FAM163B: variants seen among roughly 807,000 people sequenced by gnomAD.
FAM163B encodes protein FAM163B.
FAM163B carries 4 observed loss-of-function variants against 7.6 expected under a neutral mutation model. The ratio of observed to expected loss-of-function variants is 0.52; its 90% CI spans 0.26 to 1.20. The LOEUF (loss-of-function observed/expected upper bound fraction) is 1.20. Among genes scored for constraint, FAM163B ranks in the 50% most tolerant of loss-of-function variants. FAM163B has a pLI of 0.14. For synonymous variants in FAM163B, 120 were observed against 111.6 expected (o/e 1.07, Z -0.47); for missense variants, 250 against 243.0 (o/e 1.03, Z -0.19).
intron 1 of FAM163B, among the ~76,000 whole-genome samples, chr9:133,599,152 C>T (rs562075509): frequency 6.6e-6 from 1 of 152,318 alleles, no homozygotes; most frequent in East Asian, 1.9e-4. Flanking sequence ...GCCATTCTCG[C>T]CTTTAAATGC....
rs752938817 is a variant in FAM163B, at chr9:133,580,035, C to T, written c.93+96G>A. ...CAGGGCTCTTCCCCACTTCCCGGGC[C>T]GTGACCCTTGTGACCTTCAGGCGGG... On this transcript the variant is annotated intron_variant, in intron 2 of 2. Coordinates refer to ENST00000673969, the MANE Select transcript of FAM163B (RefSeq NM_001080515.3). The T allele has an allele frequency of 2.3e-3, 2,352 of 1,027,982 alleles. 5 individuals carry two copies. The highest frequency in any genetic ancestry group is 5.2e-3 in the Middle Eastern group (20 of 3,876). The allele number at this position is 1,027,982 out of a possible 1,614,324, so 63.7% of individuals were successfully genotyped here.
chr9:133,577,459 T>G lies in FAM163B; in HGVS notation c.*1563A>C, dbSNP rs2131201791. On this transcript the variant is annotated 3_prime_UTR_variant, in exon 3 of 3. Transcript: ENST00000673969. ...AAGAGGAGGAAAACAATTGAGAACA[T>G]AACGATTGTGACTTCGTCAGCCGTT... Among the ~76,000 whole-genome samples the G allele has an allele frequency of 6.6e-6, 1 of 152,326 alleles. No homozygotes were observed. Among genetic ancestry groups the G allele is most frequent in the South Asian group, 2.1e-4 (1 of 4,832 alleles).
intron 1 of FAM163B, among the ~76,000 whole-genome samples, chr9:133,589,485 C>A (rs1831502294): frequency 6.6e-6 from 1 of 152,196 alleles, no homozygotes; most frequent in Admixed American, 6.5e-5. Context: ...GATGTATCTC[C>A]TTTTCCTTCC....
chr9:133,579,247 G>A lies in FAM163B; in HGVS notation c.276C>T (p.Arg92=), dbSNP rs1588319747. The stretch of plus-strand genomic sequence containing the variant: ...TGGGGGGCTCGCAGTGGGAGCAGCT[G>A]CGGCAGAGGGCGCGGGCCTGCGGGG... ...QKSPQARALC[R]SCSHCEPPTF... is the part of the protein sequence containing the mutation. The change falls in exon 3 of 3, where the codon CGC becomes CGT. Residue 92 remains arginine (R), a synonymous_variant. Coordinates refer to ENST00000673969, the MANE Select transcript of FAM163B (RefSeq NM_001080515.3). 1.9e-6 allele frequency: 3 copies of A among 1,612,196 alleles called. No individual in the cohort carries two copies. The highest frequency in any genetic ancestry group is 2.5e-6 in the Non-Finnish European group (3 of 1,179,794).
intron 1 of FAM163B, among the ~76,000 whole-genome samples, chr9:133,599,151 G>A (rs550217439): frequency 2.8e-4 from 43 of 152,182 alleles, no homozygotes; most frequent in Non-Finnish European, 5.4e-4. Context: ...AGCCATTCTC[G>A]CCTTTAAATG....
rs1330925291 is a variant in FAM163B at position 133,578,064 on chromosome 9, C to T, written c.*958G>A. Among the ~76,000 whole-genome samples the T allele has an allele frequency of 6.6e-6, 1 of 152,132 alleles. No homozygotes were observed. The highest frequency in any genetic ancestry group is 6.5e-5 in the Admixed American group (1 of 15,284). Reference sequence around the variant, plus strand: ...AGACCCACAGCCTGAAGACCTCTGTCCTCAGGGTCTCTCCTCATCACACAA... The same window carrying T: ...AGACCCACAGCCTGAAGACCTCTGTTCTCAGGGTCTCTCCTCATCACACAA... On this transcript the variant is annotated 3_prime_UTR_variant, in exon 3 of 3. Transcript: ENST00000673969.
rs558600606 is a variant in FAM163B, at chr9:133,604,438, G to A, written c.-24+4639C>T. 4.2e-4 allele frequency among the ~76,000 whole-genome samples: 64 copies of A among 152,026 alleles called. 1 individual carries two copies. Among genetic ancestry groups the A allele is most frequent in the African/African-American group, 1.4e-3 (60 of 41,452 alleles). On this transcript the variant is annotated intron_variant, in intron 1 of 2. Coordinates refer to ENST00000673969, the MANE Select transcript of FAM163B (RefSeq NM_001080515.3). ...CACGTCACTGACACAGCCGAGCACT[G>A]GGGGGCAGGCCACACCCAGGAAACC...
intron 1 of FAM163B, among the ~76,000 whole-genome samples, chr9:133,593,345 T>C (rs966628336): frequency 2.0e-5 from 3 of 152,160 alleles, no homozygotes; most frequent in Admixed American, 2.0e-4. Context: ...TTTAGTTCCC[T>C]GAGTAGCTCC....
intron 1 of FAM163B, among the ~76,000 whole-genome samples, chr9:133,583,284 C>G (rs1177290221): frequency 6.6e-6 from 1 of 152,172 alleles, no homozygotes; most frequent in Non-Finnish European, 1.5e-5. Flanking sequence ...TGGAGGGGCT[C>G]CCACTGCTGT....
chr9:133,580,321 T>A, intron 1 of FAM163B, 75 bp from the exon 2 acceptor site: 1 of 1,190,804 alleles, frequency 8.4e-7, no homozygotes, highest in African/African-American at 1.5e-5. Context: ...TCTAGAGAAC[T>A]GAGAAGACAA....
intron 1 of FAM163B, among the ~76,000 whole-genome samples, chr9:133,583,190 C>T (rs949389163): frequency 5.3e-5 from 8 of 152,176 alleles, no homozygotes; most frequent in African/African-American, 7.2e-5. Flanking sequence ...CCCTCCACTA[C>T]GGGCCATGGC....
intron 1 of FAM163B, among the ~76,000 whole-genome samples, chr9:133,588,609 A>G (rs796070198): frequency 6.1e-5 from 9 of 148,552 alleles, no homozygotes; most frequent in African/African-American, 1.0e-4. Flanking sequence ...GGGATCTAGG[A>G]TGCTGAAGGA....
In FAM163B at chr9:133,580,251, A is replaced by G; in HGVS notation, c.-23-5T>C. 1.3e-6 allele frequency: 2 copies of G among 1,591,486 alleles called. No homozygotes were observed. The highest frequency in any genetic ancestry group is 1.7e-6 in the Non-Finnish European group (2 of 1,160,994). The stretch of plus-strand genomic sequence containing the variant: ...GCCCCCTTCTCCATCAACAGCCTGC[A>G]ACACACGCCGCCAGCTTTAGAGCAT... On this transcript the variant is annotated splice_polypyrimidine_tract_variant and splice_region_variant and intron_variant, in intron 1 of 2. Transcript: ENST00000673969.
chr9:133,580,260 C>T lies in FAM163B; in HGVS notation c.-23-14G>A, dbSNP rs1168118339. The T allele has an allele frequency of 1.1e-5, 17 of 1,573,368 alleles. No homozygotes were observed. Among genetic ancestry groups the T allele is most frequent in the Admixed American group, 5.0e-5 (3 of 59,656 alleles). Reference sequence around the variant, plus strand: ...TCCATCAACAGCCTGCAACACACGCCGCCAGCTTTAGAGCATCACGCTTCC... The same window carrying T: ...TCCATCAACAGCCTGCAACACACGCTGCCAGCTTTAGAGCATCACGCTTCC... On this transcript the variant is annotated splice_polypyrimidine_tract_variant and intron_variant, in intron 1 of 2. Coordinates refer to ENST00000673969, the MANE Select transcript of FAM163B (RefSeq NM_001080515.3).
intron 1 of FAM163B, among the ~76,000 whole-genome samples, chr9:133,603,855 G>C (rs1831759155): frequency 6.6e-6 from 1 of 152,070 alleles, no homozygotes; most frequent in Admixed American, 6.5e-5. Context: ...TTTTTTGGGG[G>C]AGGGGGCAGA....
At chr9:133,584,051 C>G (rs1422938126) in intron 1 of FAM163B, among the ~76,000 whole-genome samples, 3 of 152,034 alleles carry the variant, frequency 2.0e-5, no homozygotes, top group African/African-American at 4.8e-5. Flanking sequence ...ATGCCCATCC[C>G]CCCCCCGGAC....
chr9:133,594,459 G>A (rs1165795107), intron 1 of FAM163B, among the ~76,000 whole-genome samples: 1 of 152,112 alleles, frequency 6.6e-6, no homozygotes, highest in African/African-American at 2.4e-5. Context: ...CCAGCTCTGC[G>A]TACTGAGATT....
intron 1 of FAM163B, among the ~76,000 whole-genome samples, chr9:133,598,675 C>T (rs531792169): frequency 6.6e-5 from 10 of 152,232 alleles, no homozygotes; most frequent in Admixed American, 3.9e-4. Flanking sequence ...ATTAGAATAA[C>T]GCACTCATGC....
At chr9:133,604,836 C>G (rs1434629902) in intron 1 of FAM163B, among the ~76,000 whole-genome samples, 1 of 152,174 alleles carries the variant, frequency 6.6e-6, no homozygotes, top group East Asian at 1.9e-4. Context: ...TAAGGTAGTG[C>G]AGCCAGATAC....
Sources: allele counts gnomAD v4.1 joint callset (sites outside exome capture counted in the v4.1 genomes callset), GRCh38; gene constraint gnomAD v4.1.1; transcripts MANE v1.5; gene names NCBI Gene and HGNC (gene_info 2026-07-23, HGNC 2026-07-21).